Variants in MARCHF1 observed in about 807,000 individuals in gnomAD.
MARCHF1 encodes E3 ubiquitin-protein ligase MARCHF1.
A neutral mutation model predicts 54.2 loss-of-function variants in MARCHF1; 40 were observed. That is an observed-to-expected ratio of 0.74 (90% CI 0.57 to 0.96). MARCHF1 has a LOEUF of 0.96. Ranked by LOEUF, MARCHF1 falls within the 40% of genes least tolerant of loss-of-function variation. MARCHF1 has a pLI of 0.00. For synonymous variants in MARCHF1, 236 were observed against 236.3 expected, an observed-to-expected ratio of 1.00 and a Z score of 0.01; for missense variants, 586 against 656.5, an observed-to-expected ratio of 0.89 and a Z score of 1.17.
At chr4:164,272,330 ATTGT>A (rs1377014964) in intron 1 of MARCHF1, among the ~76,000 whole-genome samples, 5 of 152,164 alleles carry the variant, frequency 3.3e-5, no homozygotes, top group Non-Finnish European at 4.4e-5. Flanking sequence ...CGATTACAAC[ATTGT>A]TTGTTATATC....
At chr4:164,151,922 C>A (rs1019786594) in intron 1 of MARCHF1, among the ~76,000 whole-genome samples, 5 of 152,020 alleles carry the variant, frequency 3.3e-5, no homozygotes, top group African/African-American at 1.2e-4. Context: ...TTGCCCTTCA[C>A]AATCTTACCA....
At chr4:164,310,224 C>T (rs560274512) in intron 1 of MARCHF1, among the ~76,000 whole-genome samples, 45 of 152,086 alleles carry the variant, frequency 3.0e-4, no homozygotes, top group African/African-American at 1.1e-3. Context: ...ATCACAGGTG[C>T]GCACCACCAC....
chr4:164,015,252 T>A (rs1024137076), intron 2 of MARCHF1, among the ~76,000 whole-genome samples: 4 of 152,150 alleles, frequency 2.6e-5, no homozygotes, highest in African/African-American at 9.7e-5. Context: ...GATATCCATA[T>A]GCAGAAAAAT....
At chr4:164,148,680 AG>A (rs1729843782) in intron 1 of MARCHF1, among the ~76,000 whole-genome samples, 1 of 152,170 alleles carries the variant, frequency 6.6e-6, no homozygotes, top group African/African-American at 2.4e-5. Flanking sequence ...GCTATTGTTA[AG>A]CATGTGCCAA....
intron 1 of MARCHF1, among the ~76,000 whole-genome samples, chr4:164,370,768 C>T (rs1256610537): frequency 2.6e-5 from 4 of 151,992 alleles, no homozygotes; most frequent in East Asian, 1.9e-4. Flanking sequence ...ATTAGCTGGG[C>T]GTGATAGCGT....
chr4:164,201,964 CAATT>C (rs1487209890), intron 1 of MARCHF1, among the ~76,000 whole-genome samples: 1 of 152,120 alleles, frequency 6.6e-6, no homozygotes, highest in Admixed American at 6.5e-5. Context: ...TGTTTCTACT[CAATT>C]AAACAAATAT....
In MARCHF1 at chr4:163,960,508, A is replaced by T. The variant is rs115117943; in HGVS notation, c.-39+27993T>A. On this transcript the variant is annotated intron_variant, in intron 3 of 9. Coordinates refer to ENST00000514618, the MANE Select transcript of MARCHF1 (RefSeq NM_001394959.1). ...GAATGAGCTTGTGCCTTTTGAGGGA[A>T]CATGGGTAGAACTGGAGGCTATTAT... Among the ~76,000 whole-genome samples the T allele has an allele frequency of 8.4e-3, 1,276 of 152,126 alleles. 19 individuals are homozygous for T. Among genetic ancestry groups the T allele is most frequent in the African/African-American group, 0.029 (1,218 of 41,530 alleles).
chr4:164,165,385 C>CTCTCTCTCT (rs1730349272), intron 1 of MARCHF1, among the ~76,000 whole-genome samples: 1 of 119,618 alleles, frequency 8.4e-6, no homozygotes, highest in Non-Finnish European at 1.6e-5. Flanking sequence ...TCTCTCTCTG[C>CTCTCTCTCT]CTCTGTCTCT....
At chr4:163,572,060 A>G (rs184860808) in intron 8 of MARCHF1, among the ~76,000 whole-genome samples, 20 of 151,958 alleles carry the variant, frequency 1.3e-4, no homozygotes, top group Non-Finnish European at 2.6e-4. Context: ...TAACTTGACT[A>G]TTTTCATCCT....
intron 4 of MARCHF1, among the ~76,000 whole-genome samples, chr4:163,743,027 G>A (rs921863716): frequency 7.9e-5 from 12 of 152,302 alleles, no homozygotes; most frequent in Non-Finnish European, 1.3e-4. Context: ...TTTAAGTACA[G>A]CTTTAAGCAC....
intron 4 of MARCHF1, among the ~76,000 whole-genome samples, chr4:163,704,470 T>G (rs977806650): frequency 6.6e-6 from 1 of 151,830 alleles, no homozygotes; most frequent in Non-Finnish European, 1.5e-5. Context: ...TTAATGTCTA[T>G]GAAACATTTA....
chr4:164,288,169 G>C (rs1306618281), intron 1 of MARCHF1, among the ~76,000 whole-genome samples: 1 of 151,888 alleles, frequency 6.6e-6, no homozygotes, highest in Non-Finnish European at 1.5e-5. Context: ...CTGAGGTCTG[G>C]GTATTCATAG....
chr4:163,678,081 C>T (rs1579186569), intron 5 of MARCHF1, among the ~76,000 whole-genome samples: 1 of 152,154 alleles, frequency 6.6e-6, no homozygotes, highest in East Asian at 1.9e-4. Context: ...AGCTCAATTG[C>T]CCTTGATACA....
chr4:164,204,124 TTC>T (rs914645407), intron 1 of MARCHF1, among the ~76,000 whole-genome samples: 2 of 152,138 alleles, frequency 1.3e-5, no homozygotes, highest in Admixed American at 6.5e-5. Flanking sequence ...TTGATTATGT[TTC>T]TCTGTCTAAG....
intron 3 of MARCHF1, among the ~76,000 whole-genome samples, chr4:163,907,021 C>T (rs879533952): frequency 3.3e-5 from 5 of 151,804 alleles, no homozygotes; most frequent in African/African-American, 4.8e-5. Flanking sequence ...CTTTTTAAAC[C>T]TTAGTGTCAA....
At chr4:163,895,885 T>C (rs2111290484) in intron 3 of MARCHF1, among the ~76,000 whole-genome samples, 1 of 152,222 alleles carries the variant, frequency 6.6e-6, no homozygotes, top group South Asian at 2.1e-4. Flanking sequence ...TGCTCAGTCA[T>C]GCAGTAAGCA....
chr4:163,565,771 G>A (rs939873921), intron 8 of MARCHF1, among the ~76,000 whole-genome samples: 65 of 152,052 alleles, frequency 4.3e-4, no homozygotes, highest in African/African-American at 1.4e-3. Context: ...ATCTTACCCC[G>A]ATTCTGTTGA....
rs1296044814 is a variant in MARCHF1 at position 163,525,205 on chromosome 4, G to T, written c.*3543C>A. ...AAAAATCTTCCCACCTCAGCCCCAG[G>T]ACCCTTATAATGTCCCTTAATGGTG... On this transcript the variant is annotated 3_prime_UTR_variant, in exon 10 of 10. Coordinates refer to ENST00000514618, the MANE Select transcript of MARCHF1 (RefSeq NM_001394959.1). 6.6e-6 allele frequency: 1 copy of T among 152,096 alleles called. No homozygotes were observed. The allele number at this position is 152,096 out of a possible 1,614,324, so 9.4% of individuals were successfully genotyped here.
intron 4 of MARCHF1, among the ~76,000 whole-genome samples, chr4:163,702,690 C>G (rs1744842726): frequency 6.6e-6 from 1 of 152,148 alleles, no homozygotes; most frequent in African/African-American, 2.4e-5. Context: ...TTTCCACACT[C>G]TCTACCAGCA....
Sources: allele counts gnomAD v4.1 joint callset (sites outside exome capture counted in the v4.1 genomes callset), GRCh38; gene constraint gnomAD v4.1.1; transcripts MANE v1.5; gene names NCBI Gene and HGNC (gene_info 2026-07-23, HGNC 2026-07-21).